Variants in ADAMTS16 observed in about 807,000 individuals in gnomAD.
ADAMTS16 encodes the protein A disintegrin and metalloproteinase with thrombospondin motifs 16.
ADAMTS16 carries 94 observed loss-of-function variants against 145.8 expected under a neutral mutation model. That is an observed-to-expected ratio of 0.64 (90% confidence interval 0.55 to 0.77). The LOEUF (loss-of-function observed/expected upper bound fraction) is 0.77, where lower values mean the gene tolerates loss of function less well. Among genes scored for constraint, ADAMTS16 ranks in the 30% least tolerant of loss-of-function variants. The pLI is 0.00. For synonymous variants in ADAMTS16, 659 were observed against 604.3 expected, an observed-to-expected ratio of 1.09 and a Z score of -1.33; for missense variants, 1,585 against 1,591.5, an observed-to-expected ratio of 1.00 and a Z score of 0.07.
chr5:5,316,640 T>G (rs753125531), intron 21 of ADAMTS16, among the ~76,000 whole-genome samples: 10 of 152,106 alleles, frequency 6.6e-5, no homozygotes, highest in South Asian at 2.1e-4. Flanking sequence ...TCCTTCCCTC[T>G]CTCTCCCTGT....
intron 21 of ADAMTS16, among the ~76,000 whole-genome samples, chr5:5,309,282 C>T (rs1233274574): frequency 5.9e-5 from 9 of 152,156 alleles, no homozygotes; most frequent in Non-Finnish European, 1.3e-4. Flanking sequence ...CTTCTTCGTT[C>T]TCATGGCGTC....
chr5:5,252,792 A>G (rs376122563), intron 17 of ADAMTS16, among the ~76,000 whole-genome samples: 8 of 152,180 alleles, frequency 5.3e-5, no homozygotes, highest in East Asian at 3.9e-4. Context: ...CCGTCCCCCT[A>G]TGCAGGAAAG....
At chr5:5,248,992 G>T (rs1266592892) in intron 17 of ADAMTS16, among the ~76,000 whole-genome samples, 4 of 152,188 alleles carry the variant, frequency 2.6e-5, no homozygotes, top group African/African-American at 9.7e-5. Flanking sequence ...CTGATTGGGA[G>T]AGATTGGCTT....
At chr5:5,188,573 A>G (rs187181800) in intron 6 of ADAMTS16, among the ~76,000 whole-genome samples, 1 of 152,322 alleles carries the variant, frequency 6.6e-6, no homozygotes, top group African/African-American at 2.4e-5. Context: ...GACAGGAGCC[A>G]AGAGCCCAGC....
intron 17 of ADAMTS16, among the ~76,000 whole-genome samples, chr5:5,261,185 C>T (rs190943067): frequency 2.0e-5 from 3 of 152,206 alleles, no homozygotes; most frequent in Non-Finnish European, 2.9e-5. Flanking sequence ...ATCATACAGG[C>T]TGGAGTGCAG....
At position 5,317,020 on chromosome 5, in the gene ADAMTS16, A is replaced by G. The variant is rs768378953; in HGVS notation, c.3412-1114A>G. ...AGATTAATTTTGGCCAGCCACTCACAGTTGTAGACAGAGAGACCACCTCAA... is the reference window on the plus strand; with the variant it reads ...AGATTAATTTTGGCCAGCCACTCACGGTTGTAGACAGAGAGACCACCTCAA... On this transcript the variant is annotated intron_variant, in intron 21 of 22. Transcript: ENST00000274181. This position sits in a 1 kb window ranked among gnomAD's most constrained non-coding sequence, Gnocchi z 4.5. Among the ~76,000 whole-genome samples the G allele has an allele frequency of 2.0e-5, 3 of 152,122 alleles. No homozygotes were observed. In the East Asian group the frequency reaches 5.8e-4, roughly 29 times the overall value.
chr5:5,315,390 A>G (rs1051570412), intron 21 of ADAMTS16, among the ~76,000 whole-genome samples: 3 of 152,180 alleles, frequency 2.0e-5, no homozygotes, highest in African/African-American at 7.2e-5. Context: ...TGAATAAGTG[A>G]ATCAGTGACA....
In ADAMTS16 at chr5:5,140,718, C is replaced by T. The variant is rs775042132; in HGVS notation, c.127C>T (p.Pro43Ser). 3 of 1,570,394 alleles carry T rather than the reference C, an allele frequency of 1.9e-6. No homozygotes were observed. The highest frequency in any genetic ancestry group is 2.6e-6 in the Non-Finnish European group (3 of 1,159,840). The change falls in exon 2 of 23, where the codon CCG becomes TCG. Residue 43 changes from proline (P) to serine (S), a missense_variant. Pro to Ser is a moderately conservative substitution (Grantham distance 74, BLOSUM62 -1). Coordinates refer to ENST00000274181, the MANE Select transcript of ADAMTS16 (RefSeq NM_139056.4). ...GGCAGCGCCTGGGAGCCCGAGCGTC[C>T]CGCGTCCTCCTCCACCCGCGGAGCG... Reference protein sequence around the residue: ...AAAAPGSPSVPRPPPPAERPG... With the variant: ...AAAAPGSPSVSRPPPPAERPG...
chr5:5,155,851 G>C (rs1448967260), intron 3 of ADAMTS16, among the ~76,000 whole-genome samples: 1 of 152,076 alleles, frequency 6.6e-6, no homozygotes, highest in Non-Finnish European at 1.5e-5. Flanking sequence ...ACAGGGGACA[G>C]ACAGGAAGTG....
intron 3 of ADAMTS16, among the ~76,000 whole-genome samples, chr5:5,153,713 T>C (rs16874877): frequency 0.15 from 23,096 of 152,170 alleles, 1,856 homozygotes; most frequent in East Asian, 0.28. Context: ...CTTAGGATTT[T>C]CTGAAAGTTC....
rs75381612 is a variant in ADAMTS16 at position 5,140,797 on chromosome 5, T to C, written c.175+31T>C. 3.5e-4 allele frequency: 531 copies of C among 1,520,666 alleles called. 2 individuals carry two copies. In the African/African-American group the frequency reaches 6.0e-3, roughly 17 times the overall value. The allele number at this position is 1,520,666 out of a possible 1,614,324, so 94.2% of individuals were successfully genotyped here. A position where few individuals can be genotyped will look rare whatever the true frequency, so the allele number is the denominator to read the frequency against. On this transcript the variant is annotated intron_variant, in intron 2 of 22. Coordinates refer to ENST00000274181, the MANE Select transcript of ADAMTS16 (RefSeq NM_139056.4). ...TCCGTGAGGTGGGGGCTTCTAATCC[T>C]TGCCATTTAGCAGCTCGTAATCTCC...
In ADAMTS16 at chr5:5,172,532, A is replaced by G. The variant is rs1579287293; in HGVS notation, c.502-9512A>G. Among the ~76,000 whole-genome samples the G allele has an allele frequency of 2.0e-5, 3 of 152,162 alleles. No individual in the cohort carries two copies. The East Asian group carries it at 5.8e-4, about 29-fold the overall frequency. On this transcript the variant is annotated intron_variant, in intron 3 of 22. Coordinates refer to ENST00000274181, the MANE Select transcript of ADAMTS16 (RefSeq NM_139056.4). ...TTCAGGAGCATATTATTTAATTTCC[A>G]TGTGTTTGTATGGTTTCCAAAATTC...
At chr5:5,235,309 G>A (rs948822729) in intron 13 of ADAMTS16, 123 bp downstream of exon 13, 32 of 1,046,512 alleles carry the variant, frequency 3.1e-5, no homozygotes, top group Admixed American at 1.5e-4. Flanking sequence ...GGTGAGGGTC[G>A]CATATTCTCT....
intron 8 of ADAMTS16, among the ~76,000 whole-genome samples, chr5:5,193,097 A>G (rs970135438): frequency 6.6e-6 from 1 of 152,106 alleles, no homozygotes; most frequent in South Asian, 2.1e-4. Context: ...TGACTTATCC[A>G]TTATTGGAAA....
intron 11 of ADAMTS16, among the ~76,000 whole-genome samples, chr5:5,232,071 C>T (rs571168904): frequency 6.6e-6 from 1 of 152,122 alleles, no homozygotes; most frequent in Admixed American, 6.5e-5. Context: ...ACTAAGTATT[C>T]AGATAACACT....
At chr5:5,170,460 C>T (rs1255471261) in intron 3 of ADAMTS16, among the ~76,000 whole-genome samples, 1 of 152,030 alleles carries the variant, frequency 6.6e-6, no homozygotes, top group Non-Finnish European at 1.5e-5. Context: ...CTCGTGGAAA[C>T]CTTCTCCTCC....
chr5:5,209,046 G>A lies in ADAMTS16; in HGVS notation c.1452-47G>A, dbSNP rs375546141. ...GGCATAATTAGTTGTAAGTCCTTTG[G>A]TTACTCTACGGGCAGTTACTAGTAG... On this transcript the variant is annotated intron_variant, in intron 9 of 22. Transcript: ENST00000274181. 15 of 1,569,828 alleles carry A rather than the reference G, an allele frequency of 9.6e-6. No individual in the cohort carries two copies. The African/African-American group carries it at 1.1e-4, about 11-fold the overall frequency.
At chr5:5,187,606 A>G in intron 5 of ADAMTS16, 119 bp from the exon 6 acceptor site, 1 of 720,204 alleles carries the variant, frequency 1.4e-6, no homozygotes, top group Non-Finnish European at 2.5e-6. Flanking sequence ...GCCTAGCAAT[A>G]CAAGAAAGTT....
chr5:5,216,842 T>C (rs2126334617), intron 10 of ADAMTS16, among the ~76,000 whole-genome samples: 1 of 145,414 alleles, frequency 6.9e-6, no homozygotes, highest in Admixed American at 7.2e-5. Context: ...CACCTATGAG[T>C]GAGAATATGC....
Sources: gnomAD v4.1 joint callset for allele counts (sites outside exome capture counted in the v4.1 genomes callset) on GRCh38, gnomAD v4.1.1 for gene constraint, Gnocchi (gnomAD v3.1) non-coding constraint, MANE v1.5 for transcripts, NCBI Gene and HGNC (gene_info 2026-07-23, HGNC 2026-07-21) for gene names.